The following CCDC30 variants were observed in gnomAD, a reference collection of about 807,000 sequenced individuals.
CCDC30 encodes coiled-coil domain containing 30, also known as coiled-coil domain-containing protein 30.
In CCDC30, 70 loss-of-function variants were observed where a neutral mutation model predicts 100.2. The ratio of observed to expected loss-of-function variants is 0.70; its 90% CI spans 0.58 to 0.85. CCDC30 has a LOEUF of 0.85. CCDC30 is among the 40% of genes least tolerant of loss of function. The pLI is 0.00. For missense variants in CCDC30, 652 were observed against 771.2 expected (o/e 0.85, Z 1.83); for synonymous variants, 233 against 269.5 (o/e 0.86, Z 1.33).
At chr1:42,465,602 T>G (rs1402205959) in intron 1 of CCDC30, among the ~76,000 whole-genome samples, 1 of 152,112 alleles carries the variant, frequency 6.6e-6, no homozygotes, top group East Asian at 1.9e-4. Flanking sequence ...TGACCCCAGG[T>G]GATCCGCCCA....
intron 6 of CCDC30, among the ~76,000 whole-genome samples, chr1:42,562,303 A>C (rs1252897067): frequency 6.6e-6 from 1 of 152,178 alleles, no homozygotes; most frequent in Admixed American, 6.5e-5. Context: ...ATAACACCAC[A>C]CATCTACAAC....
At chr1:42,529,923 A>T (rs890035252) in intron 6 of CCDC30, among the ~76,000 whole-genome samples, 2 of 152,248 alleles carry the variant, frequency 1.3e-5, no homozygotes, top group African/African-American at 2.4e-5. Context: ...GCAAAATTCC[A>T]TAAATAAGCA....
intron 11 of CCDC30, among the ~76,000 whole-genome samples, chr1:42,636,657 A>C (rs1647162079): frequency 6.6e-6 from 1 of 152,082 alleles, no homozygotes; most frequent in South Asian, 2.1e-4. Flanking sequence ...CTAAAGTTAT[A>C]CCACAACCAT....
intron 9 of CCDC30, among the ~76,000 whole-genome samples, chr1:42,582,275 C>T (rs7553093): frequency 0.24 from 36,503 of 152,026 alleles, 4,803 homozygotes; most frequent in South Asian, 0.42. Context: ...AAGGTCAAGG[C>T]ACTTTTGTAA....
intron 6 of CCDC30, among the ~76,000 whole-genome samples, chr1:42,532,887 T>A (rs1051864234): frequency 1.2e-4 from 18 of 152,332 alleles, no homozygotes; most frequent in East Asian, 9.6e-4. Context: ...TGCCTCAGCC[T>A]CCCAAGTAGC....
At chr1:42,602,789 A>G (rs1278209877) in intron 10 of CCDC30, among the ~76,000 whole-genome samples, 2 of 152,210 alleles carry the variant, frequency 1.3e-5, no homozygotes, top group Non-Finnish European at 1.5e-5. Flanking sequence ...AATTAATTCT[A>G]TGAGGCTGGA....
chr1:42,486,975 G>A (rs1309406263), intron 3 of CCDC30, among the ~76,000 whole-genome samples: 1 of 152,070 alleles, frequency 6.6e-6, no homozygotes, highest in Non-Finnish European at 1.5e-5. Flanking sequence ...ATAGAGATAG[G>A]AAGTAGATTG....
intron 6 of CCDC30, among the ~76,000 whole-genome samples, chr1:42,547,420 A>G (rs1235959165): frequency 6.6e-6 from 1 of 152,248 alleles, no homozygotes; most frequent in Non-Finnish European, 1.5e-5. Flanking sequence ...GAAATGGTCA[A>G]TCTGAAAGTT....
At chr1:42,629,962 T>C (rs1647004638) in intron 11 of CCDC30, among the ~76,000 whole-genome samples, 1 of 142,060 alleles carries the variant, frequency 7.0e-6, no homozygotes, top group Non-Finnish European at 1.5e-5. Flanking sequence ...CTTAGATATG[T>C]CCCCCTATTT....
chr1:42,654,289 G>A (rs1014754759), downstream of CCDC30: 16 of 384,258 alleles, frequency 4.2e-5, no homozygotes, highest in Non-Finnish European at 7.0e-5. Context: ...CAGAGCACAT[G>A]TAGGGTTAAT....
intron 4 of CCDC30, among the ~76,000 whole-genome samples, chr1:42,494,252 G>A (rs1644193674): frequency 6.6e-6 from 1 of 152,140 alleles, no homozygotes. Flanking sequence ...CAAGCAATGG[G>A]GAAAGGATTC....
At chr1:42,486,860 C>T (rs1313459987) in intron 3 of CCDC30, among the ~76,000 whole-genome samples, 5 of 152,034 alleles carry the variant, frequency 3.3e-5, no homozygotes, top group Non-Finnish European at 1.5e-5. Context: ...CTTACACCTG[C>T]TACATGGATG....
intron 6 of CCDC30, among the ~76,000 whole-genome samples, chr1:42,515,433 G>A (rs1213874595): frequency 6.6e-6 from 1 of 152,156 alleles, no homozygotes; most frequent in Non-Finnish European, 1.5e-5. Context: ...GTGGCCTTTG[G>A]GAGATGATTT....
intron 6 of CCDC30, among the ~76,000 whole-genome samples, chr1:42,552,573 T>A (rs1645274595): frequency 6.6e-6 from 1 of 152,060 alleles, no homozygotes; most frequent in Admixed American, 6.6e-5. Flanking sequence ...TTTCCATTTT[T>A]TAAATGGAAA....
chr1:42,638,882 A>C (rs530850375), intron 12 of CCDC30, among the ~76,000 whole-genome samples: 134 of 152,218 alleles, frequency 8.8e-4, no homozygotes, highest in Non-Finnish European at 1.3e-3. Flanking sequence ...ATCTAAATAA[A>C]TAAATAAATA....
At chr1:42,457,609 T>C in the CCDC30 span, 1 of 488,210 alleles carries the variant, frequency 2.0e-6, no homozygotes, top group Admixed American at 3.5e-5. Context: ...GAGTGAATCC[T>C]GGGGGAGTCG....
chr1:42,561,219 C>G (rs1472012385), intron 6 of CCDC30, among the ~76,000 whole-genome samples: 1 of 152,146 alleles, frequency 6.6e-6, no homozygotes, highest in African/African-American at 2.4e-5. Context: ...AAAATACTGG[C>G]AAACCAAATC....
intron 6 of CCDC30, among the ~76,000 whole-genome samples, chr1:42,565,723 G>C (rs923180261): frequency 1.3e-5 from 2 of 152,148 alleles, no homozygotes; most frequent in Admixed American, 6.5e-5. Flanking sequence ...ATGTCAAAGA[G>C]ATATCTGCAG....
At position 42,482,644 on chromosome 1, in the gene CCDC30, A is replaced by T; in HGVS notation, c.16-19A>T. The stretch of plus-strand genomic sequence containing the variant: ...TACATTTGCTCTTTGTTTTATTACT[A>T]ATAGAAGTTTTATTTCAGTATCATA... On this transcript the variant is annotated intron_variant, in intron 2 of 16. Coordinates refer to ENST00000668663, the Ensembl canonical transcript of CCDC30. 8.2e-7 allele frequency: 1 copy of T among 1,225,252 alleles called. No homozygotes were observed. The highest frequency in any genetic ancestry group is 3.2e-5 in the East Asian group (1 of 31,606). The allele number at this position is 1,225,252 out of a possible 1,614,324, so 75.9% of individuals were successfully genotyped here.
Sources: allele counts gnomAD v4.1 joint callset (sites outside exome capture counted in the v4.1 genomes callset), GRCh38; gene constraint gnomAD v4.1.1; transcripts MANE v1.5; gene names NCBI Gene and HGNC (gene_info 2026-07-23, HGNC 2026-07-21).